Variants in HAPLN1 observed in about 807,000 individuals in gnomAD.
HAPLN1 encodes hyaluronan and proteoglycan link protein 1, also known as Cartilage link protein.
Under a neutral mutation model 36.5 loss-of-function variants are expected in HAPLN1, and 13 were observed. The ratio of observed to expected loss-of-function variants is 0.36; its 90% CI spans 0.23 to 0.57. HAPLN1 has a LOEUF of 0.57. HAPLN1 is among the 20% of genes least tolerant of loss of function. The pLI, the probability that HAPLN1 is intolerant of heterozygous loss-of-function variation, is 0.83. For missense variants in HAPLN1, 407 were observed against 439.7 expected (o/e 0.93, Z 0.66); for synonymous variants, 202 against 169.8 (o/e 1.19, Z -1.48).
chr5:83,654,560 G>A (rs1750162241), intron 2 of HAPLN1, among the ~76,000 whole-genome samples: 1 of 152,218 alleles, frequency 6.6e-6, no homozygotes, highest in Non-Finnish European at 1.5e-5. Flanking sequence ...AGTAATGCCT[G>A]AGGGTCATAG....
At chr5:83,675,078 C>T (rs746891434) in intron 1 of HAPLN1, among the ~76,000 whole-genome samples, 1 of 152,140 alleles carries the variant, frequency 6.6e-6, no homozygotes, top group Non-Finnish European at 1.5e-5. Context: ...CCTTGTTCCT[C>T]TAAGAACTTT....
At chr5:83,693,653 A>G (rs1220929224) in intron 1 of HAPLN1, among the ~76,000 whole-genome samples, 2 of 151,958 alleles carry the variant, frequency 1.3e-5, no homozygotes, top group Non-Finnish European at 2.9e-5. Context: ...ATATGCTAAC[A>G]CTAACCAAAA....
intron 1 of HAPLN1, among the ~76,000 whole-genome samples, chr5:83,676,860 A>G (rs982744699): frequency 1.3e-5 from 2 of 152,200 alleles, no homozygotes; most frequent in East Asian, 1.9e-4. Context: ...GCCAGCTTCA[A>G]GATGAATCCA....
chr5:83,647,776 A>C (rs920131366), intron 3 of HAPLN1, among the ~76,000 whole-genome samples: 9 of 152,218 alleles, frequency 5.9e-5, no homozygotes, highest in African/African-American at 2.2e-4. Context: ...GGGACACATA[A>C]AAGTTAAAGT....
At chr5:83,679,062 C>T (rs1008853757) in intron 1 of HAPLN1, among the ~76,000 whole-genome samples, 6 of 152,292 alleles carry the variant, frequency 3.9e-5, no homozygotes, top group African/African-American at 1.2e-4. Flanking sequence ...TATATACCAA[C>T]ATATTTGAGT....
At chr5:83,650,268 GGT>G (rs1405524954) in intron 3 of HAPLN1, among the ~76,000 whole-genome samples, 1 of 152,076 alleles carries the variant, frequency 6.6e-6, no homozygotes, top group Non-Finnish European at 1.5e-5. Flanking sequence ...TCTTAGAAAA[GGT>G]GTTTGTCTTA....
chr5:83,644,426 A>G lies in HAPLN1; in HGVS notation c.712T>C (p.Tyr238His). Residue 238 changes from tyrosine to histidine, a missense_variant, in exon 4 of 5, where the codon TAC (tyrosine) becomes CAC (histidine). Physicochemically the swap from Tyr to His is moderately conservative, Grantham distance 83. Transcript: ENST00000274341. ...CTTTTATCTTTATCCCAAAATCCGT[A>G]GTTCCTGACTCCGGGCACTGTGTTC... ...GQNTVPGVRNYGFWDKDKSRY... is the reference protein window; with the variant it reads ...GQNTVPGVRNHGFWDKDKSRY... The G allele has an allele frequency of 6.2e-7, 1 of 1,604,014 alleles. No homozygotes were observed. Among genetic ancestry groups the G allele is most frequent in the Non-Finnish European group, 8.5e-7 (1 of 1,177,192 alleles).
chr5:83,662,306 T>C (rs1390085122), intron 2 of HAPLN1, among the ~76,000 whole-genome samples: 1 of 152,276 alleles, frequency 6.6e-6, no homozygotes, highest in Non-Finnish European at 1.5e-5. Context: ...TAAATGTTAA[T>C]ATTAATTTAT....
intron 1 of HAPLN1, among the ~76,000 whole-genome samples, chr5:83,678,250 T>TG (rs1561313858): frequency 6.6e-6 from 1 of 151,054 alleles, no homozygotes; most frequent in Non-Finnish European, 1.5e-5. Flanking sequence ...TGTGTGTGTG[T>TG]TTTAATTAAA....
intron 2 of HAPLN1, among the ~76,000 whole-genome samples, chr5:83,669,889 A>G (rs181411770): frequency 1.1e-3 from 161 of 152,268 alleles, no homozygotes; most frequent in Admixed American, 2.7e-3. Context: ...GGATTTGGAG[A>G]GATTAAGTAA....
At chr5:83,671,524 T>C (rs563552283) in intron 2 of HAPLN1, among the ~76,000 whole-genome samples, 6 of 152,338 alleles carry the variant, frequency 3.9e-5, no homozygotes, top group African/African-American at 1.4e-4. Flanking sequence ...AGTAATCTGC[T>C]TTGTTGATTC....
chr5:83,716,558 C>T (rs952854276), intron 1 of HAPLN1, among the ~76,000 whole-genome samples: 10 of 152,182 alleles, frequency 6.6e-5, no homozygotes, highest in Admixed American at 6.6e-4. Flanking sequence ...CTCTTAATAA[C>T]AGCTATCTCC....
At chr5:83,674,616 T>G (rs1750818561) in intron 1 of HAPLN1, 1 of 152,252 alleles carries the variant, frequency 6.6e-6, no homozygotes, top group Non-Finnish European at 1.5e-5. Flanking sequence ...AACAAGGACC[T>G]TCTATTTCTC....
intron 1 of HAPLN1, chr5:83,674,764 C>G (rs184884254): frequency 2.0e-5 from 3 of 152,306 alleles, no homozygotes; most frequent in African/African-American, 7.2e-5. Flanking sequence ...GAGTCTGTTC[C>G]TGGAGGTCCT....
intron 1 of HAPLN1, among the ~76,000 whole-genome samples, chr5:83,689,199 A>G (rs994400945): frequency 3.3e-5 from 5 of 152,058 alleles, no homozygotes; most frequent in Non-Finnish European, 5.9e-5. Context: ...TATTCTTCCT[A>G]TTTGGAAGGG....
chr5:83,643,923 C>A (rs539506857), intron 4 of HAPLN1, among the ~76,000 whole-genome samples: 5 of 152,308 alleles, frequency 3.3e-5, no homozygotes, highest in Middle Eastern at 3.4e-3. Context: ...TGCTTACTCC[C>A]CACTTTGTCC....
At chr5:83,714,965 G>A (rs1429566958) in intron 1 of HAPLN1, among the ~76,000 whole-genome samples, 1 of 152,230 alleles carries the variant, frequency 6.6e-6, no homozygotes, top group African/African-American at 2.4e-5. Flanking sequence ...AAGCGCTAGG[G>A]GAGGTGGAAG....
intron 1 of HAPLN1, among the ~76,000 whole-genome samples, chr5:83,679,878 T>A (rs886372778): frequency 7.9e-5 from 12 of 152,198 alleles, no homozygotes; most frequent in African/African-American, 2.9e-4. Flanking sequence ...CCAAGCTCCA[T>A]GTTAGTTGTT....
In HAPLN1 at chr5:83,688,444, G is replaced by T. The variant is rs566868712; in HGVS notation, c.-26-14895C>A. 3.3e-5 allele frequency among the ~76,000 whole-genome samples: 5 copies of T among 152,068 alleles called. No homozygotes were observed. In the South Asian group the frequency reaches 8.3e-4, roughly 25 times the overall value. On this transcript the variant is annotated intron_variant, in intron 1 of 4. Transcript: ENST00000274341. ...CAATAGATCTGGCATGAGCTGACTG[G>T]CACAGTCCCCACTTTAAGAAGTCCT...
Sources: gnomAD v4.1 joint callset for allele counts (sites outside exome capture counted in the v4.1 genomes callset) on GRCh38, gnomAD v4.1.1 for gene constraint, MANE v1.5 for transcripts, NCBI Gene and HGNC (gene_info 2026-07-23, HGNC 2026-07-21) for gene names.